BACH1: variants seen among roughly 807,000 people sequenced by gnomAD.
BACH1 encodes BTB domain and CNC homolog 1, also known as transcription regulator protein BACH1.
A neutral mutation model predicts 52.9 loss-of-function variants in BACH1; 35 were observed. The ratio of observed to expected loss-of-function variants is 0.66; its 90% CI spans 0.51 to 0.88. The LOEUF is 0.88. BACH1 is among the 40% of genes least tolerant of loss of function. The pLI is 0.00. For missense variants in BACH1, 808 were observed against 872.6 expected, an observed-to-expected ratio of 0.93 and a Z score of 0.93; for synonymous variants, 321 against 319.6, an observed-to-expected ratio of 1.00 and a Z score of -0.05.
chr21:29,358,812 A>AAGAAAGAAAGAAAGAAAGAGAG (rs370582692), intron 2 of BACH1, among the ~76,000 whole-genome samples: 5 of 146,450 alleles, frequency 3.4e-5, no homozygotes, highest in Admixed American at 1.4e-4. Flanking sequence ...GAAAGAAAGA[A>AAGAAAGAAAGAAAGAAAGAGAG]AGAAGAAAGA....
chr21:29,310,331 A>G (rs1379439449), intron 1 of BACH1, among the ~76,000 whole-genome samples: 2 of 152,218 alleles, frequency 1.3e-5, no homozygotes, highest in Non-Finnish European at 2.9e-5. Flanking sequence ...TTTATGGTTA[A>G]GAATTTGAAT....
chr21:29,335,060 C>T (rs2089028850), intron 4 of BACH1, among the ~76,000 whole-genome samples: 1 of 152,162 alleles, frequency 6.6e-6, no homozygotes, highest in African/African-American at 2.4e-5. Context: ...GGCCCTGGAC[C>T]TTGCATTTGA....
chr21:29,360,623 T>C (rs932693043), intron 2 of BACH1, among the ~76,000 whole-genome samples: 2 of 152,068 alleles, frequency 1.3e-5, no homozygotes, highest in Non-Finnish European at 2.9e-5. Flanking sequence ...GGTGGGTGGA[T>C]CACCTGAGCT....
At chr21:29,302,026 C>A (rs1270183134) in intron 1 of BACH1, among the ~76,000 whole-genome samples, 1 of 152,176 alleles carries the variant, frequency 6.6e-6, no homozygotes, top group Non-Finnish European at 1.5e-5. Flanking sequence ...GTTAAAATTA[C>A]CACTTGTCAG....
intron 2 of BACH1, among the ~76,000 whole-genome samples, chr21:29,353,847 GGAA>G (rs1229894716): frequency 6.6e-6 from 1 of 152,154 alleles, no homozygotes; most frequent in African/African-American, 2.4e-5. Context: ...GTGGCATTTG[GGAA>G]GAAGAAGAAT....
At chr21:29,342,287 A>T in intron 4 of BACH1, 112 bp from the exon 5 acceptor site, 1 of 1,086,470 alleles carries the variant, frequency 9.2e-7, no homozygotes, top group Non-Finnish European at 1.3e-6. Flanking sequence ...GAAAGGATAA[A>T]CTCCATGTGA....
At chr21:29,338,494 C>T (rs143682361) in intron 4 of BACH1, among the ~76,000 whole-genome samples, 1 of 152,218 alleles carries the variant, frequency 6.6e-6, no homozygotes, top group African/African-American at 2.4e-5. Flanking sequence ...CTCATATCAG[C>T]CTTCTGAGTA....
chr21:29,309,130 C>T (rs949719625), intron 1 of BACH1, among the ~76,000 whole-genome samples: 4 of 152,040 alleles, frequency 2.6e-5, no homozygotes, highest in South Asian at 2.1e-4. Flanking sequence ...TGGTGATGCT[C>T]GCCTGCAATC....
Position 29,326,824 on chromosome 21 carries a change from G to A in BACH1, c.1000G>A (p.Asp334Asn). ...TTTACACACATATGACCAATATGGT[G>A]ACTTGAATTTTGCTGGTATGCAAAA... is the stretch of plus-strand genomic sequence containing the variant. ...SLLHTYDQYGDLNFAGMQNTT... is the reference protein window; with the variant it reads ...SLLHTYDQYGNLNFAGMQNTT... Residue 334 changes from aspartate to asparagine, a missense_variant, in exon 3 of 5, where the codon GAC (aspartate) becomes AAC (asparagine). By Grantham distance (23) the Asp-to-Asn change is conservative (BLOSUM62 1). Transcript: ENST00000286800. 6.2e-7 allele frequency: 1 copy of A among 1,614,136 alleles called. No homozygotes were observed. Among genetic ancestry groups the A allele is most frequent in the South Asian group, 1.1e-5 (1 of 91,072 alleles).
chr21:29,306,373 T>G (rs2088657898), intron 1 of BACH1, among the ~76,000 whole-genome samples: 1 of 151,996 alleles, frequency 6.6e-6, no homozygotes, highest in Admixed American at 6.6e-5. Context: ...TTTTTTTTTT[T>G]TTTTCCTAGG....
chr21:29,321,095 G>A (rs983913328), intron 1 of BACH1, 126 bp from the exon 2 acceptor site: 2 of 586,646 alleles, frequency 3.4e-6, no homozygotes, highest in African/African-American at 3.7e-5. Context: ...AATGCCTCTA[G>A]GTTGTTCCTC....
At chr21:29,359,963 T>G (rs1393338539) in intron 2 of BACH1, among the ~76,000 whole-genome samples, 1 of 152,164 alleles carries the variant, frequency 6.6e-6, no homozygotes, top group Non-Finnish European at 1.5e-5. Flanking sequence ...ATTCACTGAG[T>G]CAGACTAAGG....
intron 1 of BACH1, among the ~76,000 whole-genome samples, chr21:29,306,229 A>G (rs529972365): frequency 3.1e-4 from 47 of 150,376 alleles, no homozygotes; most frequent in Non-Finnish European, 5.6e-4. Flanking sequence ...AATCCAGTCA[A>G]TGGAAAAAGG....
chr21:29,306,169 AGTGTGTGTGTGTGTGTGTGTGT>A (rs61571512), intron 1 of BACH1, among the ~76,000 whole-genome samples: 2 of 141,198 alleles, frequency 1.4e-5, no homozygotes, highest in Non-Finnish European at 3.1e-5. Flanking sequence ...GGTCAGGAAG[AGTGTGTGTGTGTGTGTGTGTGT>A]GTGTGTGTGT....
At position 29,329,467 on chromosome 21, in the gene BACH1, A is replaced by G. The variant is rs1430818384; in HGVS notation, c.1570-20A>G. 1.4e-6 allele frequency: 2 copies of G among 1,475,706 alleles called. No individual in the cohort carries two copies. The highest frequency in any genetic ancestry group is 1.8e-6 in the Non-Finnish European group (2 of 1,101,392). 91.4% of individuals were successfully genotyped at this position (1,475,706 alleles called of 1,614,324 possible). A position where few individuals can be genotyped will look rare whatever the true frequency, so the allele number is the denominator to read the frequency against. ...TTATAAAATACAGCAATAATTAGTA[A>G]TATTTATTTCATATTCTAGGTAAAA... On this transcript the variant is annotated intron_variant, in intron 3 of 4. Coordinates refer to ENST00000286800, the MANE Select transcript of BACH1 (RefSeq NM_001186.4).
intron 4 of BACH1, among the ~76,000 whole-genome samples, chr21:29,338,827 G>A (rs1260846912): frequency 1.3e-5 from 2 of 151,432 alleles, no homozygotes; most frequent in East Asian, 3.9e-4. Context: ...ATTAGTTTCT[G>A]GATTTTTTTT....
At chr21:29,316,296 TA>T (rs2088785896) in intron 1 of BACH1, among the ~76,000 whole-genome samples, 1 of 152,208 alleles carries the variant, frequency 6.6e-6, no homozygotes, top group African/African-American at 2.4e-5. Context: ...TATCAAAACT[TA>T]AATTATGTGC....
intron 1 of BACH1, among the ~76,000 whole-genome samples, chr21:29,319,855 A>G (rs1041496734): frequency 2.0e-5 from 3 of 151,774 alleles, no homozygotes; most frequent in Admixed American, 6.6e-5. Flanking sequence ...GGTGCCACCC[A>G]CAAAAGATAT....
In BACH1 at chr21:29,312,782, A is replaced by G. The variant is rs759607343; in HGVS notation, c.-60-8439A>G. Among the ~76,000 whole-genome samples, 174 of 152,186 alleles carry G rather than the reference A, an allele frequency of 1.1e-3. 1 individual carries two copies. The highest frequency in any genetic ancestry group is 1.9e-3 in the Non-Finnish European group (132 of 68,032). On this transcript the variant is annotated intron_variant, in intron 1 of 4. Transcript: ENST00000286800. ...AGAATGCCTAAGTAAATGAAGAGAG[A>G]TGCCATATTCATATACTGGAGGACT...
Sources: allele counts gnomAD v4.1 joint callset (sites outside exome capture counted in the v4.1 genomes callset), GRCh38; gene constraint gnomAD v4.1.1; transcripts MANE v1.5; gene names NCBI Gene and HGNC (gene_info 2026-07-23, HGNC 2026-07-21).